Variants in DENND1A observed in about 807,000 individuals in gnomAD.
The protein encoded by DENND1A is DENN domain containing 1A, also known as DENN domain-containing protein 1A.
In DENND1A, 51 loss-of-function variants were observed where a neutral mutation model predicts 113.7. The observed-to-expected ratio is 0.45, with a 90% CI of 0.36 to 0.57. The LOEUF is 0.57. Ranked by LOEUF, DENND1A falls within the 20% of genes least tolerant of loss-of-function variation. The pLI, the probability that DENND1A is intolerant of heterozygous loss-of-function variation, is 0.00. For missense variants in DENND1A, 1,258 were observed against 1,395.9 expected (o/e 0.90, Z 1.57); for synonymous variants, 565 against 570.8 (o/e 0.99, Z 0.14).
chr9:123,832,860 G>A (rs1437732409), intron 2 of DENND1A, among the ~76,000 whole-genome samples: 1 of 152,082 alleles, frequency 6.6e-6, no homozygotes, highest in Non-Finnish European at 1.5e-5. Context: ...GGTTTTAGCT[G>A]GGCACATTTG....
chr9:123,521,304 ACACC>A (rs1172314383), intron 13 of DENND1A, among the ~76,000 whole-genome samples: 1 of 152,172 alleles, frequency 6.6e-6, no homozygotes, highest in East Asian at 1.9e-4. Flanking sequence ...TACATATGCA[ACACC>A]CATGCTCAAA....
chr9:123,829,839 G>C (rs1187450204), intron 2 of DENND1A, among the ~76,000 whole-genome samples: 1 of 152,080 alleles, frequency 6.6e-6, no homozygotes, highest in African/African-American at 2.4e-5. Context: ...CCAGAGAATA[G>C]AGAAAGAGGA....
intron 3 of DENND1A, among the ~76,000 whole-genome samples, chr9:123,789,634 TCCGGGA>T (rs1395185533): frequency 6.6e-6 from 1 of 152,242 alleles, no homozygotes; most frequent in East Asian, 1.9e-4. Context: ...GTAATACATC[TCCGGGA>T]CCACAGATTT....
chr9:123,843,943 G>A (rs767430757), intron 2 of DENND1A, among the ~76,000 whole-genome samples: 2 of 152,018 alleles, frequency 1.3e-5, no homozygotes, highest in Non-Finnish European at 2.9e-5. Context: ...GTAATAAGCC[G>A]TATCTAGAGA....
chr9:123,919,681 A>G (rs775788460), intron 1 of DENND1A, among the ~76,000 whole-genome samples: 2 of 151,624 alleles, frequency 1.3e-5, no homozygotes, highest in Non-Finnish European at 2.9e-5. Flanking sequence ...CAGGTGTTTG[A>G]GATCAGCCTG....
chr9:123,687,960 AC>A (rs2064920375), intron 5 of DENND1A, among the ~76,000 whole-genome samples: 1 of 152,234 alleles, frequency 6.6e-6, no homozygotes, highest in Admixed American at 6.5e-5. Flanking sequence ...AACTACAACT[AC>A]AAGATCCACC....
chr9:123,577,217 T>A (rs2058680811), intron 12 of DENND1A, among the ~76,000 whole-genome samples: 2 of 152,198 alleles, frequency 1.3e-5, no homozygotes, highest in African/African-American at 4.8e-5. Flanking sequence ...TATTGCTATA[T>A]CTTCAAATTC....
rs150851394 is a variant in DENND1A, at chr9:123,773,250, C to T, written c.133-3687G>A. The stretch of plus-strand genomic sequence containing the variant: ...AGTAACATCTACAAAGCTCTGCCCA[C>T]AAGAGACACCAAGCCTCAGAGTATG... On this transcript the variant is annotated intron_variant, in intron 3 of 23. Transcript: ENST00000394215. Among the ~76,000 whole-genome samples, 410 of 152,268 alleles carry T rather than the reference C, an allele frequency of 2.7e-3. 1 individual carries two copies. Among genetic ancestry groups the T allele is most frequent in the African/African-American group, 9.2e-3 (384 of 41,566 alleles).
intron 12 of DENND1A, among the ~76,000 whole-genome samples, chr9:123,560,659 C>G (rs1328758321): frequency 6.8e-6 from 1 of 147,374 alleles, no homozygotes; most frequent in Non-Finnish European, 1.5e-5. Context: ...CGTGGCACTC[C>G]AGCCTGGGTG....
intron 5 of DENND1A, among the ~76,000 whole-genome samples, chr9:123,698,738 A>C (rs776735647): frequency 5.9e-5 from 9 of 152,210 alleles, no homozygotes; most frequent in Non-Finnish European, 1.3e-4. Context: ...GTTTGGCTCA[A>C]GCCACTGGCA....
At chr9:123,703,155 TG>T (rs1163592023) in intron 5 of DENND1A, among the ~76,000 whole-genome samples, 1 of 152,106 alleles carries the variant, frequency 6.6e-6, no homozygotes, top group Non-Finnish European at 1.5e-5. Context: ...CTAATTTCTT[TG>T]TTTTGTATTT....
At chr9:123,879,111 G>C in intron 1 of DENND1A, 90 bp from the exon 2 acceptor site, 6 of 1,278,984 alleles carry the variant, frequency 4.7e-6, no homozygotes, top group Non-Finnish European at 5.6e-6. Flanking sequence ...GATCTTCCTT[G>C]AAATCATTAG....
At position 123,636,897 on chromosome 9, in the gene DENND1A, T is replaced by C. The variant is rs2082041; in HGVS notation, c.619-6421A>G. Among the ~76,000 whole-genome samples, 195 of 150,478 alleles carry C rather than the reference T, an allele frequency of 1.3e-3. 1 individual carries two copies. Among genetic ancestry groups the C allele is most frequent in the African/African-American group, 4.6e-3 (187 of 40,898 alleles). On this transcript the variant is annotated intron_variant, in intron 9 of 23. Coordinates refer to ENST00000394215, the MANE Select transcript of DENND1A (RefSeq NM_001352964.2). ...TTTTAATAGAGATGGGGTTTCTCCATGTTGGTCAGGCTGGTCTCGAACTCC... is the reference window on the plus strand; with the variant it reads ...TTTTAATAGAGATGGGGTTTCTCCACGTTGGTCAGGCTGGTCTCGAACTCC...
intron 5 of DENND1A, among the ~76,000 whole-genome samples, 190 bp downstream of exon 5, chr9:123,757,513 T>A (rs2070672978): frequency 6.6e-6 from 1 of 152,158 alleles, no homozygotes; most frequent in Non-Finnish European, 1.5e-5. Flanking sequence ...TACAAATAAA[T>A]AAATACAATT....
At chr9:123,863,010 TTA>T (rs1247603806) in intron 2 of DENND1A, among the ~76,000 whole-genome samples, 1 of 152,206 alleles carries the variant, frequency 6.6e-6, no homozygotes, top group Non-Finnish European at 1.5e-5. Flanking sequence ...TGCTTATATT[TTA>T]TCTCTTTTTC....
At chr9:123,892,669 C>A (rs940652761) in intron 1 of DENND1A, among the ~76,000 whole-genome samples, 25 of 152,226 alleles carry the variant, frequency 1.6e-4, no homozygotes, top group African/African-American at 6.0e-4. Context: ...CACACATTTA[C>A]CTATGTAACA....
Position 123,728,506 on chromosome 9 carries a change from A to AAAAAAAAAAAAAAAAAAAAAC in DENND1A, c.302+29196_302+29197insGTTTTTTTTTTTTTTTTTTTT, listed in dbSNP as rs1564150268. 6.9e-5 allele frequency among the ~76,000 whole-genome samples: 10 copies of AAAAAAAAAAAAAAAAAAAAAC among 145,900 alleles called. 1 individual carries two copies. Among genetic ancestry groups the AAAAAAAAAAAAAAAAAAAAAC allele is most frequent in the African/African-American group, 2.4e-4 (9 of 37,176 alleles). On this transcript the variant is annotated intron_variant, in intron 5 of 23. Coordinates refer to ENST00000394215, the MANE Select transcript of DENND1A (RefSeq NM_001352964.2). ...AAAAAAAAAAAAAAAAAAAAAAAAA[A>AAAAAAAAAAAAAAAAAAAAAC]AAAACAGGCATCAGTCATCTTTACC...
intron 13 of DENND1A, among the ~76,000 whole-genome samples, chr9:123,532,391 G>A (rs1455738849): frequency 6.6e-6 from 1 of 152,178 alleles, no homozygotes; most frequent in Non-Finnish European, 1.5e-5. Flanking sequence ...ACCACGTTCC[G>A]TTGTCCTGTC....
intron 19 of DENND1A, among the ~76,000 whole-genome samples, chr9:123,430,855 A>T (rs1333000586): frequency 6.6e-6 from 1 of 152,310 alleles, no homozygotes; most frequent in East Asian, 1.9e-4. Flanking sequence ...AGAAAAAATT[A>T]GCCAGGTGCG....
Sources: allele counts gnomAD v4.1 joint callset (sites outside exome capture counted in the v4.1 genomes callset), GRCh38; gene constraint gnomAD v4.1.1; transcripts MANE v1.5; gene names NCBI Gene and HGNC (gene_info 2026-07-23, HGNC 2026-07-21).